The following RASSF9 variants were observed in gnomAD, a reference collection of about 807,000 sequenced individuals.
The protein encoded by RASSF9 is Ras association domain family member 9, also known as ras association domain-containing protein 9.
Under a neutral mutation model 21.4 loss-of-function variants are expected in RASSF9, and 18 were observed. That is an observed-to-expected ratio of 0.84 (90% CI 0.58 to 1.25). RASSF9 has a LOEUF of 1.25. RASSF9 is among the 50% of genes most tolerant of loss of function. The pLI is 0.00. For synonymous variants in RASSF9, 183 were observed against 179.1 expected, an observed-to-expected ratio of 1.02 and a Z score of -0.18; for missense variants, 480 against 503.2, an observed-to-expected ratio of 0.95 and a Z score of 0.44.
rs188451301 is a variant in RASSF9, at chr12:85,830,884, T to C, written c.47+5271A>G. 2.6e-4 allele frequency among the ~76,000 whole-genome samples: 39 copies of C among 152,186 alleles called. No homozygotes were observed. In the East Asian group the frequency reaches 7.3e-3, roughly 29 times the overall value. On this transcript the variant is annotated intron_variant, in intron 1 of 1. Coordinates refer to ENST00000361228, the MANE Select transcript of RASSF9 (RefSeq NM_005447.4). Reference sequence around the variant, plus strand: ...TCTACAAGAATGGAATCACAATATATTAAAAATAGTAAAGAATTAGCACTT... The same window carrying C: ...TCTACAAGAATGGAATCACAATATACTAAAAATAGTAAAGAATTAGCACTT...
intron 1 of RASSF9, among the ~76,000 whole-genome samples, chr12:85,828,664 G>A (rs1354988236): frequency 2.6e-5 from 4 of 152,086 alleles, no homozygotes. Context: ...CTTAGTCTAT[G>A]TCTTATGGCT....
chr12:85,815,535 T>C (rs1310599990), intron 1 of RASSF9, among the ~76,000 whole-genome samples: 1 of 152,146 alleles, frequency 6.6e-6, no homozygotes, highest in Non-Finnish European at 1.5e-5. Context: ...CCACAATGAC[T>C]GAACTAATGT....
chr12:85,831,588 C>T (rs1219508064), intron 1 of RASSF9, among the ~76,000 whole-genome samples: 1 of 151,956 alleles, frequency 6.6e-6, no homozygotes, highest in Non-Finnish European at 1.5e-5. Flanking sequence ...CAGGTATAAT[C>T]AGGGGAAATC....
intron 1 of RASSF9, among the ~76,000 whole-genome samples, chr12:85,831,100 G>A (rs1049266462): frequency 1.3e-5 from 2 of 151,962 alleles, no homozygotes; most frequent in Admixed American, 6.6e-5. Context: ...CCTTGTCAAG[G>A]ACTGGTATTC....
chr12:85,816,095 GCGCTAAA>G (rs1440796699), intron 1 of RASSF9, among the ~76,000 whole-genome samples: 1 of 152,008 alleles, frequency 6.6e-6, no homozygotes, highest in Non-Finnish European at 1.5e-5. Flanking sequence ...TTATAAGAGG[GCGCTAAA>G]TGATGAGAAC....
intron 1 of RASSF9, among the ~76,000 whole-genome samples, chr12:85,828,747 G>A (rs953138324): frequency 2.8e-4 from 43 of 152,250 alleles, no homozygotes; most frequent in African/African-American, 9.9e-4. Context: ...GAACAAAGTT[G>A]ACTACTTTGT....
At position 85,812,252 on chromosome 12, in the gene RASSF9, T is replaced by C. The variant is rs550788601; in HGVS notation, c.48-6290A>G. On this transcript the variant is annotated intron_variant, in intron 1 of 1. Coordinates refer to ENST00000361228, the MANE Select transcript of RASSF9 (RefSeq NM_005447.4). ...ATGCACATAACTATTCTTAGTTGTA[T>C]ATGTGTTTTTGATACCTTATTAAAT... 3.3e-5 allele frequency among the ~76,000 whole-genome samples: 5 copies of C among 151,790 alleles called. No homozygotes were observed. The South Asian group carries it at 1.0e-3, about 32-fold the overall frequency.
intron 1 of RASSF9, among the ~76,000 whole-genome samples, chr12:85,835,709 A>T (rs1056489278): frequency 6.6e-6 from 1 of 152,076 alleles, no homozygotes; most frequent in Non-Finnish European, 1.5e-5. Flanking sequence ...TTTTCATCCT[A>T]CTTAGTGGCT....
At position 85,804,675 on chromosome 12, in the gene RASSF9, A is replaced by G; in HGVS notation, c.*27T>C. The G allele has an allele frequency of 6.6e-7, 1 of 1,518,956 alleles. No homozygotes were observed. Among genetic ancestry groups the G allele is most frequent in the Non-Finnish European group, 8.8e-7 (1 of 1,130,588 alleles). 94.1% of individuals were successfully genotyped at this position (1,518,956 alleles called of 1,614,324 possible). The stretch of plus-strand genomic sequence containing the variant: ...AAATTAAACAAACATTAAAACATGA[A>G]AGCAGGTCAGAAAGGAGCCATTGGA... On this transcript the variant is annotated 3_prime_UTR_variant, in exon 2 of 2. Coordinates refer to ENST00000361228, the MANE Select transcript of RASSF9 (RefSeq NM_005447.4).
chr12:85,811,351 C>T (rs1178367840), intron 1 of RASSF9, among the ~76,000 whole-genome samples: 1 of 151,754 alleles, frequency 6.6e-6, no homozygotes, highest in African/African-American at 2.4e-5. Context: ...TCACTAGATA[C>T]TCTGGAAGGG....
At chr12:85,817,454 C>T (rs1880099030) in intron 1 of RASSF9, among the ~76,000 whole-genome samples, 1 of 151,798 alleles carries the variant, frequency 6.6e-6, no homozygotes, top group Non-Finnish European at 1.5e-5. Context: ...GACTAGTTGT[C>T]TTTGTAATTA....
rs541178585 is a variant in RASSF9, at chr12:85,802,393, A to G, written c.*2309T>C. The G allele has an allele frequency of 2.6e-5, 4 of 152,310 alleles. No homozygotes were observed. Among genetic ancestry groups the G allele is most frequent in the East Asian group, 1.9e-4 (1 of 5,186 alleles). The allele number at this position is 152,310 out of a possible 1,614,324, so 9.4% of individuals were successfully genotyped here. A position where few individuals can be genotyped will look rare whatever the true frequency, so the allele number is the denominator to read the frequency against. On this transcript the variant is annotated 3_prime_UTR_variant, in exon 2 of 2. Coordinates refer to ENST00000361228, the MANE Select transcript of RASSF9 (RefSeq NM_005447.4). Reference sequence around the variant, plus strand: ...GTAGCTGATGAAGGATTAAAACTTAATGATTGTAGTGATCAAACGCACAAA... The same window carrying G: ...GTAGCTGATGAAGGATTAAAACTTAGTGATTGTAGTGATCAAACGCACAAA...
intron 1 of RASSF9, among the ~76,000 whole-genome samples, chr12:85,813,608 C>T (rs1357474946): frequency 6.6e-6 from 1 of 151,512 alleles, no homozygotes; most frequent in African/African-American, 2.4e-5. Context: ...ATTCAGTGAT[C>T]CAAAGATAAA....
At chr12:85,822,560 G>T (rs931630086) in intron 1 of RASSF9, among the ~76,000 whole-genome samples, 4 of 152,100 alleles carry the variant, frequency 2.6e-5, no homozygotes, top group Non-Finnish European at 5.9e-5. Flanking sequence ...TTAAGGAAAA[G>T]GAGAGATATT....
chr12:85,807,352 C>T (rs1242354527), intron 1 of RASSF9, among the ~76,000 whole-genome samples: 1 of 152,024 alleles, frequency 6.6e-6, no homozygotes, highest in Non-Finnish European at 1.5e-5. Context: ...CTTTCTCCAT[C>T]CCCTACTTTA....
chr12:85,834,067 G>A (rs1880509986), intron 1 of RASSF9, among the ~76,000 whole-genome samples: 1 of 151,924 alleles, frequency 6.6e-6, no homozygotes, highest in African/African-American at 2.4e-5. Context: ...CCTGTATATA[G>A]CATTAGTAAA....
intron 1 of RASSF9, among the ~76,000 whole-genome samples, chr12:85,820,997 A>T (rs1880196162): frequency 6.6e-6 from 1 of 152,102 alleles, no homozygotes; most frequent in Non-Finnish European, 1.5e-5. Flanking sequence ...TACAAAAATT[A>T]GTCAGGCGTA....
chr12:85,834,485 G>T (rs1404968795), intron 1 of RASSF9, among the ~76,000 whole-genome samples: 1 of 152,110 alleles, frequency 6.6e-6, no homozygotes, highest in Non-Finnish European at 1.5e-5. Context: ...TGGCAGAACT[G>T]ATGTAATGAA....
chr12:85,825,675 T>G lies in RASSF9; in HGVS notation c.47+10480A>C, dbSNP rs190607141. Among the ~76,000 whole-genome samples, 331 of 152,262 alleles carry G rather than the reference T, an allele frequency of 2.2e-3. 2 individuals carry two copies. Among genetic ancestry groups the G allele is most frequent in the Non-Finnish European group, 3.4e-3 (233 of 68,022 alleles). ...AGATAATTTGGCTGCCCCAGAAATC[T>G]GCACTGTATTTATTTAAATAATAAA... On this transcript the variant is annotated intron_variant, in intron 1 of 1. Transcript: ENST00000361228.
Sources: gnomAD v4.1 joint callset for allele counts (sites outside exome capture counted in the v4.1 genomes callset) on GRCh38, gnomAD v4.1.1 for gene constraint, MANE v1.5 for transcripts, NCBI Gene and HGNC (gene_info 2026-07-23, HGNC 2026-07-21) for gene names.